The following NIPAL2 variants were observed in gnomAD, a reference collection of about 807,000 sequenced individuals.
NIPAL2 encodes NIPA like domain containing 2, also known as NIPA-like protein 2.
Under a neutral mutation model 48.9 loss-of-function variants are expected in NIPAL2, and 43 were observed. That is an observed-to-expected ratio of 0.88 (90% CI 0.69 to 1.13). The LOEUF is 1.13. Ranked by LOEUF, NIPAL2 falls within the 50% of genes most tolerant of loss-of-function variation. The probability of loss-of-function intolerance (pLI) is 0.00; values close to 1 mark genes in which losing one functional copy is unlikely to be tolerated. For synonymous variants in NIPAL2, 167 were observed against 174.6 expected (o/e 0.96, Z 0.34); for missense variants, 446 against 461.4 (o/e 0.97, Z 0.31).
intron 1 of NIPAL2, among the ~76,000 whole-genome samples, chr8:98,264,081 C>T (rs1412715874): frequency 6.6e-6 from 1 of 151,934 alleles, no homozygotes; most frequent in Non-Finnish European, 1.5e-5. Flanking sequence ...AATTCAACAA[C>T]CCTTATGCTA....
intron 1 of NIPAL2, among the ~76,000 whole-genome samples, chr8:98,283,413 G>T (rs1815967548): frequency 6.6e-6 from 1 of 152,116 alleles, no homozygotes. Flanking sequence ...CTTAAACTTG[G>T]TTCTATTACA....
chr8:98,255,386 T>A (rs1009871454), intron 1 of NIPAL2, among the ~76,000 whole-genome samples: 4 of 152,226 alleles, frequency 2.6e-5, no homozygotes, highest in African/African-American at 9.6e-5. Flanking sequence ...TTCCAAGAAG[T>A]TATTTGAATT....
chr8:98,294,183 C>T lies in NIPAL2; in HGVS notation c.-46G>A, dbSNP rs910984195. 9.5e-5 allele frequency: 123 copies of T among 1,295,296 alleles called. No homozygotes were observed. Among genetic ancestry groups the T allele is most frequent in the South Asian group, 1.2e-4 (5 of 42,638 alleles). The allele number at this position is 1,295,296 out of a possible 1,614,324, so 80.2% of individuals were successfully genotyped here. On this transcript the variant is annotated 5_prime_UTR_variant, in exon 1 of 11. Coordinates refer to ENST00000430223, the MANE Select transcript of NIPAL2 (RefSeq NM_001321635.2). ...CGGGCTCCGGCTCGGGCTGCGGCCGCCTCCCCGCCCTGTTGCACCGCGAGG... is the reference window on the plus strand; with the variant it reads ...CGGGCTCCGGCTCGGGCTGCGGCCGTCTCCCCGCCCTGTTGCACCGCGAGG...
At chr8:98,278,934 T>C (rs1815638577) in intron 1 of NIPAL2, among the ~76,000 whole-genome samples, 1 of 152,164 alleles carries the variant, frequency 6.6e-6, no homozygotes, top group Non-Finnish European at 1.5e-5. Context: ...AAAAGTGTAG[T>C]AAAAAGCTAC....
intron 3 of NIPAL2, among the ~76,000 whole-genome samples, chr8:98,245,057 G>A (rs1488576410): frequency 6.6e-6 from 1 of 152,154 alleles, no homozygotes; most frequent in East Asian, 1.9e-4. Context: ...AATAACCCAT[G>A]ACATGAAAAG....
At chr8:98,290,329 A>C (rs1816426936) in intron 1 of NIPAL2, among the ~76,000 whole-genome samples, 2 of 152,238 alleles carry the variant, frequency 1.3e-5, no homozygotes, top group South Asian at 4.1e-4. Context: ...AAAGGGCATA[A>C]AAAATCCTGA....
Position 98,205,132 on chromosome 8 carries a change from G to A in NIPAL2, c.770C>T (p.Ala257Val). The A allele has an allele frequency of 1.2e-6, 2 of 1,613,336 alleles. No individual in the cohort carries two copies. The highest frequency in any genetic ancestry group is 3.3e-5 in the Admixed American group (2 of 59,958). Residue 257 changes from alanine (A) to valine (V), a missense_variant, in exon 7 of 11, where the codon GCA becomes GTA. Coordinates refer to ENST00000430223, the MANE Select transcript of NIPAL2 (RefSeq NM_001321635.2). ...TTACTTGACTTGGAAAACACAAGAT[G>A]CTATCATGATGATAAACATGATATA... ...IFYIMFIIMI[A>V]SCVFQVKFLN... is the part of the protein sequence containing the mutation.
intron 1 of NIPAL2, among the ~76,000 whole-genome samples, chr8:98,266,085 G>A (rs1291790614): frequency 7.4e-6 from 1 of 135,890 alleles, no homozygotes; most frequent in Non-Finnish European, 1.5e-5. Flanking sequence ...TGAACAATGA[G>A]ATCACATGGA....
chr8:98,215,919 A>G (rs998040827), intron 5 of NIPAL2, among the ~76,000 whole-genome samples: 2 of 152,204 alleles, frequency 1.3e-5, no homozygotes, highest in Non-Finnish European at 2.9e-5. Context: ...TTAATTTTGC[A>G]TCAACCTAAT....
At chr8:98,231,564 T>C (rs946039288) in intron 4 of NIPAL2, among the ~76,000 whole-genome samples, 2 of 152,008 alleles carry the variant, frequency 1.3e-5, no homozygotes, top group Non-Finnish European at 2.9e-5. Context: ...GAGAAGAAAA[T>C]CCTATAGTTT....
In NIPAL2 at chr8:98,189,997, T is replaced by C. The variant is rs540148824; in HGVS notation, c.*2981A>G. On this transcript the variant is annotated 3_prime_UTR_variant, in exon 11 of 11. Coordinates refer to ENST00000430223, the MANE Select transcript of NIPAL2 (RefSeq NM_001321635.2). The stretch of plus-strand genomic sequence containing the variant: ...TTGTTACTCATTTCCAAAGCTGTTA[T>C]AGACTTGGAATGTGGAATTGGAGAG... 2.0e-5 allele frequency: 3 copies of C among 152,382 alleles called. No homozygotes were observed. The highest frequency in any genetic ancestry group is 7.2e-5 in the African/African-American group (3 of 41,592). 9.4% of individuals were successfully genotyped at this position (152,382 alleles called of 1,614,324 possible). A position where few individuals can be genotyped will look rare whatever the true frequency, so the allele number is the denominator to read the frequency against.
chr8:98,264,764 G>A (rs1814600032), intron 1 of NIPAL2, among the ~76,000 whole-genome samples: 1 of 152,048 alleles, frequency 6.6e-6, no homozygotes, highest in South Asian at 2.1e-4. Context: ...TTTCTTCATA[G>A]AATTGGAAAA....
intron 4 of NIPAL2, among the ~76,000 whole-genome samples, chr8:98,228,005 C>T (rs1413778621): frequency 1.3e-5 from 2 of 152,216 alleles, no homozygotes; most frequent in African/African-American, 2.4e-5. Flanking sequence ...CTGAGCTCTA[C>T]GCAGTGTTGG....
intron 1 of NIPAL2, among the ~76,000 whole-genome samples, chr8:98,283,700 G>A (rs1414989100): frequency 6.6e-6 from 1 of 152,168 alleles, no homozygotes; most frequent in Non-Finnish European, 1.5e-5. Context: ...CAGCTGCAAT[G>A]CTCTACCCCA....
intron 5 of NIPAL2, among the ~76,000 whole-genome samples, chr8:98,216,706 A>T (rs1278843977): frequency 6.6e-6 from 1 of 152,194 alleles, no homozygotes; most frequent in African/African-American, 2.4e-5. Flanking sequence ...TTATTTTGTG[A>T]AGGATTTTAT....
chr8:98,236,269 A>G, intron 3 of NIPAL2, 55 bp from the exon 4 acceptor site: 1 of 1,241,520 alleles, frequency 8.1e-7, no homozygotes. Context: ...TCTATTACGC[A>G]ATGCCATTTG....
intron 5 of NIPAL2, chr8:98,217,171 G>T: frequency 2.0e-6 from 2 of 985,430 alleles, no homozygotes; most frequent in Non-Finnish European, 2.4e-6. Context: ...TATACACTGG[G>T]CTTCTCAAAT....
At chr8:98,267,900 A>G (rs1023900002) in intron 1 of NIPAL2, among the ~76,000 whole-genome samples, 1 of 152,194 alleles carries the variant, frequency 6.6e-6, no homozygotes, top group Non-Finnish European at 1.5e-5. Flanking sequence ...AATTAGCCAT[A>G]TACACATTCC....
intron 1 of NIPAL2, among the ~76,000 whole-genome samples, chr8:98,280,761 T>TAG (rs1554578553): frequency 0.026 from 775 of 30,022 alleles, 35 homozygotes; most frequent in Middle Eastern, 0.038. Flanking sequence ...TATATATATA[T>TAG]AGAGAGAGAG....
Sources: gnomAD v4.1 joint callset for allele counts (sites outside exome capture counted in the v4.1 genomes callset) on GRCh38, gnomAD v4.1.1 for gene constraint, MANE v1.5 for transcripts, NCBI Gene and HGNC (gene_info 2026-07-23, HGNC 2026-07-21) for gene names.